The following STYXL1 variants were observed in gnomAD, a reference collection of about 807,000 sequenced individuals.
STYXL1 encodes the protein serine/threonine/tyrosine-interacting-like protein 1.
STYXL1 carries 32 observed loss-of-function variants against 36.4 expected under a neutral mutation model. The observed-to-expected ratio is 0.88, with a 90% CI of 0.66 to 1.18. The LOEUF (loss-of-function observed/expected upper bound fraction) is 1.18. STYXL1 is among the 50% of genes most tolerant of loss of function. STYXL1 has a pLI of 0.00. For missense variants in STYXL1, 354 were observed against 394.1 expected (o/e 0.90, Z 0.86); for synonymous variants, 133 against 144.1 (o/e 0.92, Z 0.55).
intron 1 of STYXL1, among the ~76,000 whole-genome samples, chr7:76,039,850 T>C (rs1388927108): frequency 6.6e-6 from 1 of 152,078 alleles, no homozygotes; most frequent in Non-Finnish European, 1.5e-5. Flanking sequence ...TTTCACCACG[T>C]TGGCCAGCTT....
At chr7:76,015,709 C>G (rs782467150) in intron 4 of STYXL1, among the ~76,000 whole-genome samples, 14 of 152,192 alleles carry the variant, frequency 9.2e-5, no homozygotes, top group Non-Finnish European at 1.5e-4. Flanking sequence ...TGAGTGTCAA[C>G]TTGATTGGGT....
intron 3 of STYXL1, among the ~76,000 whole-genome samples, chr7:76,026,796 C>T (rs1056290976): frequency 6.6e-6 from 1 of 152,210 alleles, no homozygotes; most frequent in Non-Finnish European, 1.5e-5. Flanking sequence ...CGCCTGCAAT[C>T]CCAGCACTTT....
intron 8 of STYXL1, among the ~76,000 whole-genome samples, chr7:76,000,074 C>T (rs1162924614): frequency 3.3e-5 from 5 of 151,686 alleles, no homozygotes; most frequent in Non-Finnish European, 5.9e-5. Context: ...ACCTGTAATC[C>T]CAGCTACGCG....
intron 4 of STYXL1, among the ~76,000 whole-genome samples, chr7:76,020,736 C>A (rs1554575781): frequency 6.6e-6 from 1 of 152,104 alleles, no homozygotes; most frequent in African/African-American, 2.4e-5. Flanking sequence ...GTCTTGAACT[C>A]CTGGGCTCAA....
intron 5 of STYXL1, among the ~76,000 whole-genome samples, chr7:76,005,881 GAGAGGA>G (rs1791664296): frequency 8.4e-6 from 1 of 119,026 alleles, no homozygotes; most frequent in African/African-American, 3.0e-5. Flanking sequence ...GAGAGGAGGA[GAGAGGA>G]GGAGGAGGAG....
At chr7:76,001,786 C>T (rs1790962534) in intron 7 of STYXL1, among the ~76,000 whole-genome samples, 1 of 140,636 alleles carries the variant, frequency 7.1e-6, no homozygotes, top group East Asian at 2.2e-4. Flanking sequence ...TGAGCCACTG[C>T]GCCTGATTTT....
chr7:76,013,481 G>C (rs1296428833), intron 5 of STYXL1, among the ~76,000 whole-genome samples: 2 of 151,766 alleles, frequency 1.3e-5, no homozygotes, highest in African/African-American at 4.8e-5. Context: ...CTGGAGTACA[G>C]TGGCATGATC....
chr7:76,028,394 GAC>G (rs1794957180), intron 3 of STYXL1, among the ~76,000 whole-genome samples: 2 of 152,084 alleles, frequency 1.3e-5, no homozygotes, highest in African/African-American at 4.8e-5. Flanking sequence ...CAGCCTGGAT[GAC>G]AGAGCGAGAC....
chr7:76,000,760 C>A, intron 8 of STYXL1, 130 bp downstream of exon 8: 1 of 722,992 alleles, frequency 1.4e-6, no homozygotes, highest in South Asian at 1.6e-5. Context: ...CTGGGGAGCA[C>A]CCTAGACTTG....
At chr7:76,028,614 G>T in intron 3 of STYXL1, 28 bp downstream of exon 3, 1 of 1,610,928 alleles carries the variant, frequency 6.2e-7, no homozygotes, top group Non-Finnish European at 8.5e-7. Context: ...TAGCCAGCCT[G>T]CCCCAGATCC....
At chr7:76,016,223 CAT>C (rs1219876935) in intron 4 of STYXL1, among the ~76,000 whole-genome samples, 14 of 150,882 alleles carry the variant, frequency 9.3e-5, no homozygotes, top group South Asian at 2.1e-4. Flanking sequence ...TATAGGGATA[CAT>C]ATATATAATT....
Position 76,005,542 on chromosome 7 carries a change from GAA to G in STYXL1, c.454-140_454-139del, listed in dbSNP as rs1170699804. 7 of 779,496 alleles carry G rather than the reference GAA, an allele frequency of 9.0e-6. No individual in the cohort carries two copies. In the Admixed American group the frequency reaches 1.7e-4, roughly 19 times the overall value. 48.3% of individuals were successfully genotyped at this position (779,496 alleles called of 1,614,324 possible). A position where few individuals can be genotyped will look rare whatever the true frequency, so the allele number is the denominator to read the frequency against. On this transcript the variant is annotated intron_variant, in intron 5 of 8. Transcript: ENST00000359697. ...TGAATGTGACGGAGATCCAGACTTTGAAAGAGATTGGCACACGGTAACTTGCA... is the reference window on the plus strand; with the variant it reads ...TGAATGTGACGGAGATCCAGACTTTGAGAGATTGGCACACGGTAACTTGCA...
At chr7:76,032,399 G>GA (rs34141153) in intron 1 of STYXL1, among the ~76,000 whole-genome samples, 56,886 of 132,298 alleles carry the variant, frequency 0.43, 13,982 homozygotes, top group African/African-American at 0.66. Context: ...ACCCTGTCTT[G>GA]AAAAAAAAAA....
chr7:76,005,655 C>T (rs572151883), intron 5 of STYXL1, among the ~76,000 whole-genome samples: 3 of 152,074 alleles, frequency 2.0e-5, no homozygotes, highest in Non-Finnish European at 2.9e-5. Context: ...CCATTCCCTC[C>T]GTGGCAACTG....
intron 3 of STYXL1, among the ~76,000 whole-genome samples, 163 bp downstream of exon 3, chr7:76,028,479 G>C (rs1794965824): frequency 6.6e-6 from 1 of 152,200 alleles, no homozygotes; most frequent in Non-Finnish European, 1.5e-5. Context: ...GAGGACACCT[G>C]AGAAAATGTG....
At chr7:76,046,274 CTG>C (rs782245806) in intron 1 of STYXL1, among the ~76,000 whole-genome samples, 135 of 103,114 alleles carry the variant, frequency 1.3e-3, no homozygotes, top group African/African-American at 4.2e-3. Flanking sequence ...AGCTTATCTG[CTG>C]TGTGTGTGTG....
In STYXL1 at chr7:76,005,909, AGGAGGAGGAGGAGGGAGGAGGT is replaced by A. The variant is rs1791696612; in HGVS notation, c.454-527_454-506del. 4.6e-5 allele frequency among the ~76,000 whole-genome samples: 5 copies of A among 108,052 alleles called. No individual in the cohort carries two copies. In the South Asian group the frequency reaches 1.6e-3, roughly 34 times the overall value. The allele number at this position is 108,052 out of a possible 152,430, so 70.9% of individuals were successfully genotyped here. On this transcript the variant is annotated intron_variant, in intron 5 of 8. Coordinates refer to ENST00000359697, the MANE Select transcript of STYXL1 (RefSeq NM_001317785.2). ...AGGAGGAGGAGGAGGAGAGAGGAGG[AGGAGGAGGAGGAGGGAGGAGGT>A]GGAGGAGGAGAGAGGAGGTTTCATC...
intron 2 of STYXL1, among the ~76,000 whole-genome samples, chr7:76,029,295 T>C (rs1397701915): frequency 1.3e-5 from 2 of 151,838 alleles, no homozygotes; most frequent in Non-Finnish European, 2.9e-5. Context: ...CACAGGCACA[T>C]GCCACCACAC....
intron 5 of STYXL1, among the ~76,000 whole-genome samples, chr7:76,009,225 G>C (rs1005975872): frequency 1.3e-5 from 2 of 151,890 alleles, no homozygotes; most frequent in African/African-American, 4.8e-5. Context: ...GAATATGCCC[G>C]AACTGGGCAC....
Sources: gnomAD v4.1 joint callset for allele counts (sites outside exome capture counted in the v4.1 genomes callset) on GRCh38, gnomAD v4.1.1 for gene constraint, MANE v1.5 for transcripts, NCBI Gene and HGNC (gene_info 2026-07-23, HGNC 2026-07-21) for gene names.